The following ZNF829 variants were observed in gnomAD, a reference collection of about 807,000 sequenced individuals.
ZNF829 encodes zinc finger protein 829.
In ZNF829, 25 loss-of-function variants were observed where a neutral mutation model predicts 35.2. That is an observed-to-expected ratio of 0.71 (90% CI 0.52 to 0.99). The LOEUF is 0.99. Among genes scored for constraint, ZNF829 ranks in the 50% least tolerant of loss-of-function variants. The pLI is 0.00. For synonymous variants in ZNF829, 136 were observed against 163.2 expected (o/e 0.83, Z 1.27); for missense variants, 417 against 515.3 (o/e 0.81, Z 1.85).
At chr19:36,901,643 G>A (rs2073166859) in intron 5 of ZNF829, 2 of 284,790 alleles carry the variant, frequency 7.0e-6, no homozygotes, top group Non-Finnish European at 1.3e-5. Flanking sequence ...CTATCCAAGT[G>A]TGTGATTGTA....
At chr19:36,897,665 A>G (rs1437294574) in intron 5 of ZNF829, among the ~76,000 whole-genome samples, 2 of 152,294 alleles carry the variant, frequency 1.3e-5, no homozygotes, top group South Asian at 2.1e-4. Flanking sequence ...ATTCACCACT[A>G]TTATTCAATA....
At position 36,889,870 on chromosome 19, in the gene ZNF829, T is replaced by C. The variant is rs2073033783; in HGVS notation, c.*1622A>G. 1 of 152,222 alleles carries C rather than the reference T, an allele frequency of 6.6e-6. No homozygotes were observed. The highest frequency in any genetic ancestry group is 1.5e-5 in the Non-Finnish European group (1 of 68,046). The allele number at this position is 152,222 out of a possible 1,614,324, so 9.4% of individuals were successfully genotyped here. On this transcript the variant is annotated 3_prime_UTR_variant, in exon 6 of 6. Coordinates refer to ENST00000391711, the MANE Select transcript of ZNF829 (RefSeq NM_001037232.4). Reference sequence around the variant, plus strand: ...TGAGATGTGACGTTAGGCTATTCATTTGAGATTTTTCTATCTTTTTGGTGT... The same window carrying C: ...TGAGATGTGACGTTAGGCTATTCATCTGAGATTTTTCTATCTTTTTGGTGT...
At chr19:36,902,073 T>C in intron 5 of ZNF829, 1 of 513,698 alleles carries the variant, frequency 1.9e-6, no homozygotes, top group Non-Finnish European at 3.5e-6. Context: ...TATGTATCTG[T>C]TACCACTTTC....
chr19:36,894,548 G>A (rs1568367768), intron 5 of ZNF829, among the ~76,000 whole-genome samples: 1 of 151,738 alleles, frequency 6.6e-6, no homozygotes, highest in Non-Finnish European at 1.5e-5. Flanking sequence ...AAAACCAAAA[G>A]AATCAGAAAA....
chr19:36,892,849 C>T (rs759660141), intron 5 of ZNF829: 1 of 1,098,428 alleles, frequency 9.1e-7, no homozygotes, highest in East Asian at 3.2e-5. Context: ...AGACCCAGCT[C>T]TGTGTCTCCT....
chr19:36,898,097 T>C (rs1404656015), intron 5 of ZNF829, among the ~76,000 whole-genome samples: 3 of 151,330 alleles, frequency 2.0e-5, no homozygotes, highest in Non-Finnish European at 4.4e-5. Flanking sequence ...ACCCAGGAGG[T>C]GGAAGCTGCA....
chr19:36,908,284 A>T, intron 4 of ZNF829, 49 bp downstream of exon 4: 2 of 1,573,328 alleles, frequency 1.3e-6, no homozygotes, highest in Non-Finnish European at 1.7e-6. Context: ...TGGAGAAAGG[A>T]GACACTTCCA....
At chr19:36,913,871 C>A (rs60293110) in intron 3 of ZNF829, among the ~76,000 whole-genome samples, 24,619 of 151,910 alleles carry the variant, frequency 0.16, 2,512 homozygotes, top group African/African-American at 0.28. Flanking sequence ...TCAAGGGAGA[C>A]GAGCTAATCA....
At chr19:36,900,855 A>G (rs1226256399) in intron 5 of ZNF829, among the ~76,000 whole-genome samples, 1 of 151,814 alleles carries the variant, frequency 6.6e-6, no homozygotes, top group African/African-American at 2.4e-5. Context: ...CAGAAAAAAA[A>G]AAAAAAAAAA....
intron 5 of ZNF829, chr19:36,907,074 C>A (rs1395719921): frequency 1.2e-5 from 1 of 81,128 alleles, no homozygotes; most frequent in Non-Finnish European, 2.1e-5. Flanking sequence ...GGCAACAGAG[C>A]AAGACTCCAT....
chr19:36,914,476 G>A (rs1435269636), intron 3 of ZNF829, among the ~76,000 whole-genome samples: 3 of 152,024 alleles, frequency 2.0e-5, no homozygotes, highest in Non-Finnish European at 1.5e-5. Context: ...ATTAATCACG[G>A]AAACCCAAAT....
chr19:36,907,587 AAATAGC>A (rs2073229096), intron 5 of ZNF829: 3 of 185,360 alleles, frequency 1.6e-5, no homozygotes, highest in African/African-American at 7.2e-5. Flanking sequence ...CAAAGATGTT[AAATAGC>A]TGAAAGTAGA....
chr19:36,897,441 G>A (rs920637725), intron 5 of ZNF829, among the ~76,000 whole-genome samples: 6 of 152,148 alleles, frequency 3.9e-5, no homozygotes, highest in African/African-American at 1.4e-4. Context: ...TCAACAGGAT[G>A]AGGGATAAAA....
intron 5 of ZNF829, chr19:36,902,170 A>G (rs2073172708): frequency 4.4e-5 from 9 of 204,546 alleles, no homozygotes; most frequent in South Asian, 1.7e-4. Flanking sequence ...AAAAAAAAAG[A>G]AAAAAAAAAA....
chr19:36,904,647 G>T (rs1399547777), intron 5 of ZNF829, among the ~76,000 whole-genome samples: 1 of 152,124 alleles, frequency 6.6e-6, no homozygotes, highest in Non-Finnish European at 1.5e-5. Flanking sequence ...TGATCTGCCC[G>T]CCTCGGCCTC....
rs1474903155 is a variant in ZNF829 at position 36,888,917 on chromosome 19, GC to G, written c.*2574del. The G allele has an allele frequency of 5.3e-5, 8 of 152,106 alleles. No homozygotes were observed. Among genetic ancestry groups the G allele is most frequent in the African/African-American group, 1.7e-4 (7 of 41,418 alleles). The allele number at this position is 152,106 out of a possible 1,614,324, so 9.4% of individuals were successfully genotyped here. Reference sequence around the variant, plus strand: ...CCTCCCAAGTAGCTGGGACTACAGTGCCTGCCACCATGCCCAGCCAATTTTT... The same window carrying G: ...CCTCCCAAGTAGCTGGGACTACAGTGCTGCCACCATGCCCAGCCAATTTTT... On this transcript the variant is annotated 3_prime_UTR_variant, in exon 6 of 6. Coordinates refer to ENST00000391711, the MANE Select transcript of ZNF829 (RefSeq NM_001037232.4).
chr19:36,895,312 C>T (rs760474878), intron 5 of ZNF829, among the ~76,000 whole-genome samples: 55 of 152,112 alleles, frequency 3.6e-4, no homozygotes, highest in Non-Finnish European at 6.6e-4. Context: ...GGGTGTCCTA[C>T]ATCTGGAAGT....
intron 5 of ZNF829, among the ~76,000 whole-genome samples, chr19:36,896,410 G>A (rs2073113728): frequency 6.6e-6 from 1 of 152,122 alleles, no homozygotes; most frequent in Admixed American, 6.5e-5. Context: ...TTGAACCTGG[G>A]AGGCAGAGGT....
At chr19:36,903,917 T>C (rs1229697425) in intron 5 of ZNF829, among the ~76,000 whole-genome samples, 1 of 152,150 alleles carries the variant, frequency 6.6e-6, no homozygotes, top group Non-Finnish European at 1.5e-5. Flanking sequence ...TTCCAAAATG[T>C]AAAACTGATA....
Sources: gnomAD v4.1 joint callset for allele counts (sites outside exome capture counted in the v4.1 genomes callset) on GRCh38, gnomAD v4.1.1 for gene constraint, MANE v1.5 for transcripts, NCBI Gene and HGNC (gene_info 2026-07-23, HGNC 2026-07-21) for gene names.